Variants in MYT1L observed in about 807,000 individuals in gnomAD.
MYT1L encodes myelin transcription factor 1 like, also known as myelin transcription factor 1-like protein.
In MYT1L, 12 loss-of-function variants were observed where a neutral mutation model predicts 126.7. The ratio of observed to expected loss-of-function variants is 0.09; its 90% CI spans 0.06 to 0.15. The LOEUF (loss-of-function observed/expected upper bound fraction) is 0.15. Among genes scored for constraint, MYT1L ranks in the 10% least tolerant of loss-of-function variants. The pLI is 1.00. For missense variants in MYT1L, 979 were observed against 1,585.2 expected, an observed-to-expected ratio of 0.62 and a Z score of 6.49; for synonymous variants, 541 against 604.2, an observed-to-expected ratio of 0.90 and a Z score of 1.53.
chr2:1,810,510 A>C (rs2036441610), intron 21 of MYT1L, among the ~76,000 whole-genome samples: 1 of 152,164 alleles, frequency 6.6e-6, no homozygotes. Context: ...TTTCACCTGT[A>C]TATGAAGTGT....
At chr2:2,253,017 A>AT (rs2149230770) in intron 2 of MYT1L, among the ~76,000 whole-genome samples, 1 of 152,140 alleles carries the variant, frequency 6.6e-6, no homozygotes, top group Admixed American at 6.5e-5. Flanking sequence ...GAAAGCCTTT[A>AT]TTTTCAGTTA....
intron 3 of MYT1L, among the ~76,000 whole-genome samples, chr2:2,098,241 T>C (rs937834465): frequency 4.6e-5 from 7 of 152,216 alleles, no homozygotes; most frequent in African/African-American, 1.7e-4. Flanking sequence ...TGTAGGCTTC[T>C]TTCCTCATGG....
chr2:2,259,394 T>TA (rs79333923), intron 2 of MYT1L, among the ~76,000 whole-genome samples: 2,165 of 110,316 alleles, frequency 0.02, 66 homozygotes, highest in African/African-American at 0.071. Flanking sequence ...TAGAGTATAA[T>TA]AAAAAAAAAA....
At chr2:2,086,860 G>A (rs938213680) in intron 3 of MYT1L, among the ~76,000 whole-genome samples, 1 of 152,056 alleles carries the variant, frequency 6.6e-6, no homozygotes, top group South Asian at 2.1e-4. Flanking sequence ...CCACACCTGC[G>A]CCACTGCTCC....
In MYT1L at chr2:2,216,043, G is replaced by GTC. The variant is rs146632684; in HGVS notation, c.-420-43057_-420-43056dup. ...CTCTCTCTTTTGTGTCTGTCTGTCT[G>GTC]TCTCTCTCTCTCTCTCTCTCTCAGT... On this transcript the variant is annotated intron_variant, in intron 2 of 24. Transcript: ENST00000647738. Among the ~76,000 whole-genome samples, 661 of 123,446 alleles carry GTC rather than the reference G, an allele frequency of 5.4e-3. 1 individual carries two copies. Among genetic ancestry groups the GTC allele is most frequent in the Middle Eastern group, 0.013 (3 of 232 alleles). 81.0% of individuals were successfully genotyped at this position (123,446 alleles called of 152,430 possible). A position where few individuals can be genotyped will look rare whatever the true frequency, so the allele number is the denominator to read the frequency against.
chr2:1,796,017 T>C (rs1466458733), intron 23 of MYT1L, among the ~76,000 whole-genome samples: 1 of 152,186 alleles, frequency 6.6e-6, no homozygotes, highest in African/African-American at 2.4e-5. Context: ...GAATGGCGTT[T>C]GCATTTTTTA....
chr2:1,827,719 C>A (rs1382093559), intron 21 of MYT1L: 1 of 152,310 alleles, frequency 6.6e-6, no homozygotes, highest in East Asian at 1.9e-4. Flanking sequence ...TATCTGGTCT[C>A]TGGACAGGGT....
chr2:2,195,529 C>T (rs2092762043), intron 2 of MYT1L, among the ~76,000 whole-genome samples: 1 of 152,086 alleles, frequency 6.6e-6, no homozygotes, highest in Non-Finnish European at 1.5e-5. Flanking sequence ...TCTACAATGT[C>T]TGAAATTCAA....
chr2:1,965,593 C>T (rs141038860), intron 8 of MYT1L, among the ~76,000 whole-genome samples: 2,052 of 152,348 alleles, frequency 0.013, 11 homozygotes, highest in African/African-American at 0.021. Context: ...GTCCCATCGC[C>T]CCTGCCCTGG....
chr2:1,950,060 T>C (rs535183654), intron 8 of MYT1L, among the ~76,000 whole-genome samples: 1 of 152,302 alleles, frequency 6.6e-6, no homozygotes, highest in Admixed American at 6.5e-5. Context: ...AAAATCTCTA[T>C]ATACACAAAT....
chr2:2,057,270 C>T (rs897567131), intron 3 of MYT1L, among the ~76,000 whole-genome samples: 2 of 152,142 alleles, frequency 1.3e-5, no homozygotes, highest in African/African-American at 2.4e-5. Flanking sequence ...CAAGTCCACC[C>T]TCTTCCCTTT....
At chr2:2,093,487 T>TCTTTTGAGAAGACA (rs1375137405) in intron 3 of MYT1L, among the ~76,000 whole-genome samples, 3 of 152,226 alleles carry the variant, frequency 2.0e-5, no homozygotes, top group Non-Finnish European at 4.4e-5. Flanking sequence ...ATAAATGTCT[T>TCTTTTGAGAAGACA]CTTTTGAGAA....
At chr2:1,984,719 C>G (rs1288646562) in intron 5 of MYT1L, among the ~76,000 whole-genome samples, 1 of 151,860 alleles carries the variant, frequency 6.6e-6, no homozygotes, top group Non-Finnish European at 1.5e-5. Flanking sequence ...CCGTGTTAGC[C>G]AGGATGGTCT....
At position 1,936,605 on chromosome 2, in the gene MYT1L, G is replaced by C. The variant is rs958622214; in HGVS notation, c.505+6377C>G. ...AACATATGATCTTTGTTTCTATGTT[G>C]GTCTCAGAACTCATTGCCTTTTCTG... On this transcript the variant is annotated intron_variant, in intron 9 of 24. Transcript: ENST00000647738. Among the ~76,000 whole-genome samples, 5 of 152,140 alleles carry C rather than the reference G, an allele frequency of 3.3e-5. No individual in the cohort carries two copies. The South Asian group carries it at 1.0e-3, about 32-fold the overall frequency.
chr2:2,075,430 G>A (rs2075108159), intron 3 of MYT1L, among the ~76,000 whole-genome samples: 1 of 152,140 alleles, frequency 6.6e-6, no homozygotes, highest in South Asian at 2.1e-4. Flanking sequence ...GTTAAGAGTT[G>A]CCATCTGAGG....
intron 16 of MYT1L, among the ~76,000 whole-genome samples, chr2:1,888,247 G>C (rs1405072433): frequency 6.6e-6 from 1 of 152,166 alleles, no homozygotes; most frequent in Non-Finnish European, 1.5e-5. Flanking sequence ...TGTCATTTTA[G>C]GAGGGCTTAC....
chr2:2,027,855 G>C (rs895072765), intron 4 of MYT1L, among the ~76,000 whole-genome samples: 1 of 152,110 alleles, frequency 6.6e-6, no homozygotes, highest in Admixed American at 6.5e-5. Context: ...AGTGGCCAAG[G>C]GCTCCTGCAG....
chr2:2,295,701 GAGAC>G (rs778427227), intron 1 of MYT1L, among the ~76,000 whole-genome samples: 3,737 of 132,470 alleles, frequency 0.028, 374 homozygotes, highest in Middle Eastern at 0.051. Flanking sequence ...GAGAGAGAGA[GAGAC>G]AGACAGACAG....
At chr2:2,090,482 G>A (rs987980506) in intron 3 of MYT1L, among the ~76,000 whole-genome samples, 2 of 152,214 alleles carry the variant, frequency 1.3e-5, no homozygotes, top group African/African-American at 4.8e-5. Context: ...GATCACTTGA[G>A]CCTTCAGGGA....
Sources: gnomAD v4.1 joint callset for allele counts (sites outside exome capture counted in the v4.1 genomes callset) on GRCh38, gnomAD v4.1.1 for gene constraint, MANE v1.5 for transcripts, NCBI Gene and HGNC (gene_info 2026-07-23, HGNC 2026-07-21) for gene names.